MPP7: variants seen among roughly 807,000 people sequenced by gnomAD.
The protein encoded by MPP7 is MAGUK p55 scaffold protein 7.
Under a neutral mutation model 76.5 loss-of-function variants are expected in MPP7, and 60 were observed. The observed-to-expected ratio is 0.78, with a 90% CI of 0.64 to 0.97. The LOEUF (loss-of-function observed/expected upper bound fraction) is 0.97, where lower values mean the gene tolerates loss of function less well. Ranked by LOEUF, MPP7 falls within the 50% of genes least tolerant of loss-of-function variation. The pLI is 0.00. For synonymous variants in MPP7, 237 were observed against 244.5 expected, an observed-to-expected ratio of 0.97 and a Z score of 0.29; for missense variants, 641 against 694.0, an observed-to-expected ratio of 0.92 and a Z score of 0.86.
upstream of MPP7, among the ~76,000 whole-genome samples, chr10:28,307,170 T>C (rs1445619914): frequency 6.6e-6 from 1 of 152,170 alleles, no homozygotes; most frequent in Non-Finnish European, 1.5e-5. Flanking sequence ...GAGGCTTCCT[T>C]TCTAGTTACT....
At chr10:28,099,588 T>C (rs1003149706) in intron 11 of MPP7, among the ~76,000 whole-genome samples, 5 of 152,184 alleles carry the variant, frequency 3.3e-5, no homozygotes, top group Non-Finnish European at 7.3e-5. Context: ...GTGGATCACC[T>C]GAGGTCGGGA....
At chr10:28,119,914 T>C (rs1834776936) in intron 10 of MPP7, among the ~76,000 whole-genome samples, 199 bp from the exon 11 acceptor site, 1 of 151,992 alleles carries the variant, frequency 6.6e-6, no homozygotes, top group East Asian at 1.9e-4. Flanking sequence ...AAACCACTGG[T>C]CTTTTTTTTT....
rs750683489 is a variant in MPP7, at chr10:28,089,683, C to A, written c.1111G>T (p.Val371Phe). The A allele has an allele frequency of 6.2e-7, 1 of 1,611,806 alleles. No individual in the cohort carries two copies. Among genetic ancestry groups the A allele is most frequent in the Admixed American group, 1.7e-5 (1 of 59,476 alleles). ...AACAAGCACTTACCAACCAAGACAACGAGTCTGTATTTTTCATTAGTTTGT... is the reference window on the plus strand; with the variant it reads ...AACAAGCACTTACCAACCAAGACAAAGAGTCTGTATTTTTCATTAGTTTGT... ...RRQTNEKYRL[V>F]VLVGPVGVGL... is the part of the protein sequence containing the mutation. The change falls in exon 12 of 17, where the codon GTT becomes TTT. Residue 371 changes from valine (V) to phenylalanine (F), a missense_variant. By Grantham distance (50) the Val-to-Phe change is conservative. Coordinates refer to ENST00000683449, the MANE Select transcript of MPP7 (RefSeq NM_001318170.2).
intron 2 of MPP7, among the ~76,000 whole-genome samples, chr10:28,326,783 C>T (rs1834420044): frequency 6.6e-6 from 1 of 152,226 alleles, no homozygotes; most frequent in Non-Finnish European, 1.5e-5. Flanking sequence ...AGTGCTGGGC[C>T]ACATTGCCAG....
At chr10:28,066,748 T>G (rs12415332) in intron 13 of MPP7, among the ~76,000 whole-genome samples, 21,336 of 152,198 alleles carry the variant, frequency 0.14, 1,916 homozygotes, top group East Asian at 0.33. Flanking sequence ...ATTGCAATTA[T>G]AAAAATGAAA....
intron 3 of MPP7, among the ~76,000 whole-genome samples, chr10:28,197,852 A>G (rs1401553099): frequency 6.6e-6 from 1 of 152,222 alleles, no homozygotes; most frequent in Admixed American, 6.5e-5. Context: ...ATTATATTGC[A>G]TGCTGGTATC....
At chr10:28,309,412 T>TC (rs1841276626) in intron 2 of MPP7, among the ~76,000 whole-genome samples, 1 of 93,214 alleles carries the variant, frequency 1.1e-5, no homozygotes, top group Admixed American at 1.0e-4. Flanking sequence ...AGACTCCATC[T>TC]CAAAAAAAAA....
intron 5 of MPP7, among the ~76,000 whole-genome samples, chr10:28,136,338 T>C (rs1835353363): frequency 2.0e-5 from 3 of 152,188 alleles, no homozygotes; most frequent in Non-Finnish European, 2.9e-5. Context: ...GGTGCCAAAA[T>C]GGTTGGAGAA....
At chr10:28,126,577 A>G (rs1835023760) in intron 6 of MPP7, among the ~76,000 whole-genome samples, 1 of 152,178 alleles carries the variant, frequency 6.6e-6, no homozygotes, top group African/African-American at 2.4e-5. Context: ...ATTCATCTCA[A>G]TCATCATCCA....
chr10:28,165,932 G>C (rs562925187), intron 3 of MPP7, among the ~76,000 whole-genome samples: 1 of 145,488 alleles, frequency 6.9e-6, no homozygotes, highest in African/African-American at 2.5e-5. Context: ...GGCTGAGGCC[G>C]AAGAATCGCT....
At chr10:28,173,228 A>G (rs1043460894) in intron 3 of MPP7, among the ~76,000 whole-genome samples, 2 of 122,818 alleles carry the variant, frequency 1.6e-5, no homozygotes, top group Non-Finnish European at 3.8e-5. Context: ...AGTAGCGATG[A>G]AAAAAAAAAA....
intron 1 of MPP7, among the ~76,000 whole-genome samples, chr10:28,299,486 T>A (rs1841103495): frequency 6.6e-6 from 1 of 151,958 alleles, no homozygotes; most frequent in South Asian, 2.1e-4. Flanking sequence ...AATCGTAACA[T>A]CAAAGATCAC....
At chr10:28,286,014 T>C (rs1416836620) in intron 1 of MPP7, among the ~76,000 whole-genome samples, 6 of 152,208 alleles carry the variant, frequency 3.9e-5, no homozygotes, top group African/African-American at 1.4e-4. Context: ...CAACAAAATG[T>C]ACAACTTTGT....
At chr10:28,309,681 C>CTGAAA (rs1841278156) in intron 2 of MPP7, among the ~76,000 whole-genome samples, 1 of 152,304 alleles carries the variant, frequency 6.6e-6, no homozygotes, top group South Asian at 2.1e-4. Context: ...CTGAAAATCT[C>CTGAAA]ACATTGAATT....
intron 2 of MPP7, among the ~76,000 whole-genome samples, chr10:28,323,493 C>T (rs1442348690): frequency 1.3e-5 from 2 of 151,584 alleles, no homozygotes; most frequent in Non-Finnish European, 2.9e-5. Flanking sequence ...CAGCCAAAAC[C>T]GGGCTTTGTT....
At chr10:28,278,325 A>G (rs1840564816) in intron 1 of MPP7, among the ~76,000 whole-genome samples, 1 of 152,120 alleles carries the variant, frequency 6.6e-6, no homozygotes. Context: ...TTTGGAACAC[A>G]AAATATTGAG....
chr10:28,321,831 C>T (rs185546761), intron 2 of MPP7, among the ~76,000 whole-genome samples: 1,542 of 152,172 alleles, frequency 0.01, 16 homozygotes, highest in Non-Finnish European at 0.014. Flanking sequence ...GGTGATCCAC[C>T]CACCTTGGCT....
At chr10:28,057,441 C>T (rs1488824900) in intron 15 of MPP7, among the ~76,000 whole-genome samples, 3 of 151,952 alleles carry the variant, frequency 2.0e-5, no homozygotes, top group East Asian at 3.9e-4. Context: ...TGTGGCACCT[C>T]GCTCCTCTCT....
intron 2 of MPP7, among the ~76,000 whole-genome samples, chr10:28,212,114 TA>T (rs58753537): frequency 1.9e-3 from 268 of 141,728 alleles, no homozygotes; most frequent in Middle Eastern, 3.5e-3. Context: ...CCCTGTCTCG[TA>T]AAAAAAAAAA....
Sources: allele counts gnomAD v4.1 joint callset (sites outside exome capture counted in the v4.1 genomes callset), GRCh38; gene constraint gnomAD v4.1.1; transcripts MANE v1.5; gene names NCBI Gene and HGNC (gene_info 2026-07-23, HGNC 2026-07-21).